Variants in CNTNAP5 observed in about 807,000 individuals in gnomAD.
CNTNAP5 encodes the protein contactin-associated protein-like 5.
Under a neutral mutation model 150.2 loss-of-function variants are expected in CNTNAP5, and 72 were observed. The ratio of observed to expected loss-of-function variants is 0.48; its 90% confidence interval spans 0.40 to 0.58. CNTNAP5 has a LOEUF of 0.58. CNTNAP5 is among the 20% of genes least tolerant of loss of function. CNTNAP5 has a pLI of 0.00. For missense variants in CNTNAP5, 1,636 were observed against 1,626.2 expected (o/e 1.01, Z -0.10); for synonymous variants, 672 against 619.8 (o/e 1.08, Z -1.25).
At chr2:124,648,907 GA>G (rs1306997559) in intron 13 of CNTNAP5, among the ~76,000 whole-genome samples, 1 of 152,084 alleles carries the variant, frequency 6.6e-6, no homozygotes, top group Non-Finnish European at 1.5e-5. Context: ...AAAGGCTGGG[GA>G]AAAAATGGAG....
intron 1 of CNTNAP5, among the ~76,000 whole-genome samples, chr2:124,177,834 T>C (rs1173593565): frequency 6.6e-6 from 1 of 151,618 alleles, no homozygotes. Flanking sequence ...TTTTTGTTTG[T>C]TTTGTTTATG....
At chr2:124,571,449 AG>A (rs1369368024) in intron 11 of CNTNAP5, among the ~76,000 whole-genome samples, 1 of 150,860 alleles carries the variant, frequency 6.6e-6, no homozygotes, top group Non-Finnish European at 1.5e-5. Flanking sequence ...GAGTCAGAAG[AG>A]GGATGTTTCA....
intron 1 of CNTNAP5, among the ~76,000 whole-genome samples, chr2:124,210,075 G>A (rs1419444235): frequency 2.0e-5 from 3 of 152,146 alleles, no homozygotes; most frequent in African/African-American, 4.8e-5. Flanking sequence ...ATTTTATTCT[G>A]AAGGCATGGG....
chr2:124,503,693 C>A (rs1243326670), intron 7 of CNTNAP5, among the ~76,000 whole-genome samples: 4 of 152,204 alleles, frequency 2.6e-5, no homozygotes, highest in African/African-American at 9.6e-5. Flanking sequence ...AGACTTACCT[C>A]CTTTATGCTA....
At chr2:124,419,209 T>C (rs1692018800) in intron 4 of CNTNAP5, among the ~76,000 whole-genome samples, 1 of 149,596 alleles carries the variant, frequency 6.7e-6, no homozygotes, top group African/African-American at 2.4e-5. Flanking sequence ...TTAATATTAT[T>C]ATGCCAGCCA....
intron 12 of CNTNAP5, among the ~76,000 whole-genome samples, chr2:124,630,026 T>G (rs1324604559): frequency 2.0e-5 from 3 of 149,808 alleles, no homozygotes; most frequent in Non-Finnish European, 3.0e-5. Flanking sequence ...AGGAATAAGT[T>G]AAATTCCTGA....
intron 16 of CNTNAP5, among the ~76,000 whole-genome samples, chr2:124,768,307 G>GTGTGTGTGTGTGTA (rs761983407): frequency 0.021 from 3,034 of 144,624 alleles, 97 homozygotes; most frequent in Middle Eastern, 0.033. Flanking sequence ...GTGTGTGTGT[G>GTGTGTGTGTGTGTA]TGTATATGTA....
intron 3 of CNTNAP5, among the ~76,000 whole-genome samples, chr2:124,277,197 G>C (rs1480149168): frequency 6.6e-6 from 1 of 152,130 alleles, no homozygotes; most frequent in African/African-American, 2.4e-5. Context: ...TTGACCTGGG[G>C]TTTGTTTCTC....
chr2:124,558,424 T>C (rs989731207), intron 10 of CNTNAP5, among the ~76,000 whole-genome samples: 8 of 3,924 alleles, frequency 2.0e-3, no homozygotes, highest in Middle Eastern at 0.17. Flanking sequence ...AAGGAGGAGA[T>C]TGGAAAGTAA....
At chr2:124,523,306 C>T (rs1694891229) in intron 8 of CNTNAP5, among the ~76,000 whole-genome samples, 2 of 152,178 alleles carry the variant, frequency 1.3e-5, no homozygotes, top group African/African-American at 4.8e-5. Flanking sequence ...AAAGACAACT[C>T]AACATGTAAC....
At chr2:124,839,419 GAC>G (rs151177615) in intron 19 of CNTNAP5, among the ~76,000 whole-genome samples, 137 of 147,162 alleles carry the variant, frequency 9.3e-4, no homozygotes, top group Middle Eastern at 3.5e-3. Context: ...TGTCAAAAAT[GAC>G]ACACACTCTC....
intron 19 of CNTNAP5, among the ~76,000 whole-genome samples, chr2:124,821,261 C>A (rs1046037866): frequency 6.6e-6 from 1 of 152,162 alleles, no homozygotes; most frequent in Non-Finnish European, 1.5e-5. Context: ...AAGAGCCTGA[C>A]CTAGATCTCA....
chr2:124,775,642 A>G (rs781702893), intron 17 of CNTNAP5, among the ~76,000 whole-genome samples: 5 of 152,204 alleles, frequency 3.3e-5, no homozygotes, highest in Non-Finnish European at 7.3e-5. Flanking sequence ...AAGTGCTGAT[A>G]CATGAGTCAA....
At chr2:124,663,311 C>T (rs1678631227) in intron 13 of CNTNAP5, among the ~76,000 whole-genome samples, 1 of 152,122 alleles carries the variant, frequency 6.6e-6, no homozygotes, top group Non-Finnish European at 1.5e-5. Context: ...TGGATTTTAG[C>T]TAGTAAACTA....
chr2:124,145,560 C>T (rs1336994393), intron 1 of CNTNAP5, among the ~76,000 whole-genome samples: 7 of 44,360 alleles, frequency 1.6e-4, no homozygotes, highest in East Asian at 5.9e-4. Flanking sequence ...AACCAAACAC[C>T]GCATATTCTC....
chr2:124,856,604 T>G (rs1053603396), intron 19 of CNTNAP5, among the ~76,000 whole-genome samples: 2 of 152,150 alleles, frequency 1.3e-5, no homozygotes, highest in East Asian at 1.9e-4. Flanking sequence ...GTTGAGCATT[T>G]TATTTGGACT....
At chr2:124,270,553 G>GT (rs760199211) in intron 3 of CNTNAP5, among the ~76,000 whole-genome samples, 14 of 152,136 alleles carry the variant, frequency 9.2e-5, no homozygotes, top group Non-Finnish European at 1.6e-4. Flanking sequence ...CCAGGGTCAC[G>GT]TCTGTTTGAC....
intron 11 of CNTNAP5, among the ~76,000 whole-genome samples, chr2:124,567,878 T>TAGAC (rs1696068070): frequency 4.1e-5 from 6 of 147,960 alleles, no homozygotes; most frequent in Admixed American, 4.0e-4. Context: ...GATAGATAGA[T>TAGAC]AGATATAGAT....
chr2:124,526,833 T>C (rs890396194), intron 9 of CNTNAP5, among the ~76,000 whole-genome samples: 4 of 152,088 alleles, frequency 2.6e-5, no homozygotes, highest in African/African-American at 7.2e-5. Flanking sequence ...AACCAGACAA[T>C]TACTCTGCTG....
Sources: gnomAD v4.1 joint callset for allele counts (sites outside exome capture counted in the v4.1 genomes callset) on GRCh38, gnomAD v4.1.1 for gene constraint, MANE v1.5 for transcripts, NCBI Gene and HGNC (gene_info 2026-07-23, HGNC 2026-07-21) for gene names.